The following CACNA1I variants were observed in gnomAD, a reference collection of about 807,000 sequenced individuals.
CACNA1I encodes the protein calcium voltage-gated channel subunit alpha1 I.
CACNA1I carries 74 observed loss-of-function variants against 201.6 expected under a neutral mutation model. The ratio of observed to expected loss-of-function variants is 0.37; its 90% confidence interval spans 0.30 to 0.45. The LOEUF (loss-of-function observed/expected upper bound fraction) is 0.45. Ranked by LOEUF, CACNA1I falls within the 20% of genes least tolerant of loss-of-function variation. CACNA1I has a pLI of 1.00. For synonymous variants in CACNA1I, 1,431 were observed against 1,345.2 expected (o/e 1.06, Z -1.40); for missense variants, 2,346 against 3,138.1 (o/e 0.75, Z 6.03).
At chr22:39,626,201 C>T (rs80251458) in intron 4 of CACNA1I, among the ~76,000 whole-genome samples, 6,290 of 152,342 alleles carry the variant, frequency 0.041, 175 homozygotes, top group Non-Finnish European at 0.067. Flanking sequence ...AGCCACGTGC[C>T]TCTCCGTGCC....
At chr22:39,670,708 C>T in intron 25 of CACNA1I, 95 bp from the exon 26 acceptor site, 1 of 1,226,490 alleles carries the variant, frequency 8.2e-7, no homozygotes, top group Non-Finnish European at 1.2e-6. Flanking sequence ...TTTGCCCCCT[C>T]CCTTTCCTCC....
rs144516050 is a variant in CACNA1I, at chr22:39,668,927, G to A, written c.4194+546G>A. Among the ~76,000 whole-genome samples the A allele has an allele frequency of 7.4e-4, 112 of 152,250 alleles. No homozygotes were observed. In the East Asian group the frequency reaches 0.021, roughly 29 times the overall value. On this transcript the variant is annotated intron_variant, in intron 24 of 36. Transcript: ENST00000402142. ...CAAGAGTGGTGTCCCTGCTTGTCAG[G>A]TCTGCTTGTCAGTGCAGCTTCCTGA...
At chr22:39,598,288 C>CGCACT in intron 2 of CACNA1I, 26 bp downstream of exon 2, 1 of 1,215,220 alleles carries the variant, frequency 8.2e-7, no homozygotes, top group Non-Finnish European at 1.1e-6. Flanking sequence ...CGCCCCGCCC[C>CGCACT]GCCCTGCCCT....
chr22:39,583,383 T>G (rs983212200), intron 1 of CACNA1I, among the ~76,000 whole-genome samples: 1,672 of 151,310 alleles, frequency 0.011, 41 homozygotes, highest in African/African-American at 0.038. Flanking sequence ...CATCCATCCA[T>G]CCATCCATCC....
At position 39,658,457 on chromosome 22, in the gene CACNA1I, A is replaced by G. The variant is rs559511056; in HGVS notation, c.2144+154A>G. Among the ~76,000 whole-genome samples, 3 of 152,376 alleles carry G rather than the reference A, an allele frequency of 2.0e-5. No individual in the cohort carries two copies. The East Asian group carries it at 5.8e-4, about 29-fold the overall frequency. Reference sequence around the variant, plus strand: ...AGTCAAACATTTGTGATTTAGCAACATATTTCTGTCAAGTTAAACAGCATG... The same window carrying G: ...AGTCAAACATTTGTGATTTAGCAACGTATTTCTGTCAAGTTAAACAGCATG... On this transcript the variant is annotated intron_variant, in intron 11 of 36. Transcript: ENST00000402142.
At chr22:39,681,606 G>T (rs1274989165) in intron 34 of CACNA1I, among the ~76,000 whole-genome samples, 1 of 152,290 alleles carries the variant, frequency 6.6e-6, no homozygotes, top group East Asian at 1.9e-4. Context: ...CACCCCAGGG[G>T]GTCAGTCTGA....
At chr22:39,618,427 G>A (rs1933626242) in intron 3 of CACNA1I, among the ~76,000 whole-genome samples, 1 of 151,878 alleles carries the variant, frequency 6.6e-6, no homozygotes, top group Non-Finnish European at 1.5e-5. Flanking sequence ...ACGTGACTCT[G>A]TGTATGCAGG....
chr22:39,582,484 G>T (rs1233306984), intron 1 of CACNA1I, among the ~76,000 whole-genome samples: 1 of 152,052 alleles, frequency 6.6e-6, no homozygotes, highest in East Asian at 1.9e-4. Flanking sequence ...CAGTGACAAA[G>T]AATTATTCAG....
chr22:39,664,632 G>A, intron 20 of CACNA1I, 107 bp from the exon 21 acceptor site: 2 of 119,132 alleles, frequency 1.7e-5, no homozygotes, highest in South Asian at 5.3e-5. Flanking sequence ...CCCCCTCCCC[G>A]AAGCCGATCA....
intron 3 of CACNA1I, among the ~76,000 whole-genome samples, chr22:39,601,419 C>T (rs996760085): frequency 7.2e-5 from 11 of 152,326 alleles, no homozygotes; most frequent in Middle Eastern, 3.4e-3. Context: ...CACAGCAGCC[C>T]GACTGAGCCA....
At chr22:39,605,636 C>A (rs1933199698) in intron 3 of CACNA1I, among the ~76,000 whole-genome samples, 1 of 152,198 alleles carries the variant, frequency 6.6e-6, no homozygotes, top group African/African-American at 2.4e-5. Flanking sequence ...ATCACCACAA[C>A]TAAAGTCTAA....
chr22:39,575,982 C>T (rs1378054465), intron 1 of CACNA1I, among the ~76,000 whole-genome samples: 1 of 152,130 alleles, frequency 6.6e-6, no homozygotes. Context: ...ACCATTTCAG[C>T]CAGGCTGGTC....
intron 1 of CACNA1I, among the ~76,000 whole-genome samples, chr22:39,571,960 G>A (rs1190316087): frequency 6.6e-6 from 1 of 152,236 alleles, no homozygotes; most frequent in Non-Finnish European, 1.5e-5. Flanking sequence ...ATAAGGAAGA[G>A]CGTTGGTTGG....
chr22:39,629,398 C>G lies in CACNA1I; in HGVS notation c.581-5167C>G, dbSNP rs1490004010. Among the ~76,000 whole-genome samples the G allele has an allele frequency of 6.6e-6, 1 of 152,018 alleles. No homozygotes were observed. Among genetic ancestry groups the G allele is most frequent in the African/African-American group, 2.4e-5 (1 of 41,390 alleles). On this transcript the variant is annotated intron_variant, in intron 4 of 36. Transcript: ENST00000402142. The surrounding 1 kb of genome is among the most constrained non-coding windows in gnomAD (Gnocchi z 4.8). ...AGTCGTCCCCAACTGCCCTCTTCCT[C>G]CTACATCCATATCCCATCCCTCTGC...
Position 39,681,068 on chromosome 22 carries a change from G to A in CACNA1I, c.5664+16G>A. 6.2e-7 allele frequency: 1 copy of A among 1,604,962 alleles called. No homozygotes were observed. Among genetic ancestry groups the A allele is most frequent in the Non-Finnish European group, 8.5e-7 (1 of 1,177,444 alleles). ...AGACAGCAAGGTCAGCTCCCCTGGGGACTCCTGAGCAGGCGGGTCTGTCCT... is the reference window on the plus strand; with the variant it reads ...AGACAGCAAGGTCAGCTCCCCTGGGAACTCCTGAGCAGGCGGGTCTGTCCT... On this transcript the variant is annotated intron_variant, in intron 34 of 36. Coordinates refer to ENST00000402142, the MANE Select transcript of CACNA1I (RefSeq NM_021096.4).
chr22:39,642,743 A>G, intron 6 of CACNA1I, 54 bp from the exon 7 acceptor site: 1 of 1,282,382 alleles, frequency 7.8e-7, no homozygotes, highest in Non-Finnish European at 1.1e-6. Context: ...TGCCTGGGCT[A>G]CGGGCTTTCT....
intron 31 of CACNA1I, among the ~76,000 whole-genome samples, chr22:39,678,318 C>T (rs763569687): frequency 2.4e-4 from 37 of 152,236 alleles, no homozygotes; most frequent in Non-Finnish European, 4.3e-4. Flanking sequence ...GCCTCATCCC[C>T]CAGTGTTGCC....
At chr22:39,590,644 T>C (rs951851956) in intron 1 of CACNA1I, among the ~76,000 whole-genome samples, 1 of 152,168 alleles carries the variant, frequency 6.6e-6, no homozygotes, top group Non-Finnish European at 1.5e-5. Context: ...GATGAGAACA[T>C]GGGATTTGCA....
At chr22:39,640,778 C>T (rs781352413) in intron 5 of CACNA1I, 89 bp from the exon 6 acceptor site, 59 of 1,117,516 alleles carry the variant, frequency 5.3e-5, no homozygotes, top group Non-Finnish European at 7.6e-5. Flanking sequence ...CAAGGCCATC[C>T]TGCTATGCTG....
Sources: allele counts gnomAD v4.1 joint callset (sites outside exome capture counted in the v4.1 genomes callset), GRCh38; gene constraint gnomAD v4.1.1; non-coding constraint Gnocchi (gnomAD v3.1); transcripts MANE v1.5; gene names NCBI Gene and HGNC (gene_info 2026-07-23, HGNC 2026-07-21).